RAB7A: variants seen among roughly 807,000 people sequenced by gnomAD.
RAB7A encodes RAB7A, member RAS oncogene family.
RAB7A carries 2 observed loss-of-function variants against 24.5 expected under a neutral mutation model. That is an observed-to-expected ratio of 0.08 (90% CI 0.03 to 0.26). The LOEUF (loss-of-function observed/expected upper bound fraction) is 0.26. Among genes scored for constraint, RAB7A ranks in the 10% least tolerant of loss-of-function variants. The pLI, the probability that RAB7A is intolerant of heterozygous loss-of-function variation, is 1.00. For synonymous variants in RAB7A, 100 were observed against 95.9 expected (o/e 1.04, Z -0.25); for missense variants, 118 against 255.7 (o/e 0.46, Z 3.67).
chr3:128,771,392 C>T (rs1373466268), intron 1 of RAB7A, among the ~76,000 whole-genome samples: 1 of 152,184 alleles, frequency 6.6e-6, no homozygotes, highest in Non-Finnish European at 1.5e-5. Context: ...TTCTATAGCA[C>T]TGTGAGCTGG....
chr3:128,781,474 G>C (rs1258210318), intron 1 of RAB7A, among the ~76,000 whole-genome samples: 1 of 151,686 alleles, frequency 6.6e-6, no homozygotes, highest in Non-Finnish European at 1.5e-5. Flanking sequence ...TTTGAGACCA[G>C]CCTGGGCAAT....
intron 1 of RAB7A, among the ~76,000 whole-genome samples, chr3:128,746,559 C>T (rs776909343): frequency 2.7e-5 from 4 of 150,918 alleles, no homozygotes; most frequent in Admixed American, 6.6e-5. Context: ...GATGGAGTCT[C>T]GCTCTGTCTC....
chr3:128,782,005 T>TC (rs1299261781), intron 1 of RAB7A, among the ~76,000 whole-genome samples: 1 of 152,138 alleles, frequency 6.6e-6, no homozygotes, highest in East Asian at 1.9e-4. Flanking sequence ...AGAGCGAGAC[T>TC]CCATCTCAAA....
chr3:128,761,876 A>G (rs1024536959), intron 1 of RAB7A, among the ~76,000 whole-genome samples: 4 of 152,248 alleles, frequency 2.6e-5, no homozygotes, highest in Non-Finnish European at 5.9e-5. Flanking sequence ...ATTTATATTT[A>G]TGCCTGCCAA....
chr3:128,747,424 TA>T (rs1335143746), intron 1 of RAB7A, among the ~76,000 whole-genome samples: 1 of 151,414 alleles, frequency 6.6e-6, no homozygotes, highest in African/African-American at 2.4e-5. Context: ...CCATCTCTAC[TA>T]AAAATACAAA....
intron 1 of RAB7A, among the ~76,000 whole-genome samples, chr3:128,738,847 A>G (rs932296943): frequency 2.6e-5 from 4 of 152,252 alleles, no homozygotes; most frequent in Admixed American, 6.5e-5. Context: ...AAATGCCTGT[A>G]AATTCTTCAC....
intron 1 of RAB7A, among the ~76,000 whole-genome samples, chr3:128,755,431 A>G (rs2070721301): frequency 1.3e-5 from 2 of 152,224 alleles, no homozygotes; most frequent in South Asian, 4.1e-4. Context: ...TCACCAATCT[A>G]ACTTTTTACA....
intron 1 of RAB7A, among the ~76,000 whole-genome samples, chr3:128,733,657 G>T (rs73196983): frequency 0.053 from 8,121 of 152,128 alleles, 227 homozygotes; most frequent in Non-Finnish European, 0.058. Context: ...CTCTGTATTG[G>T]CTGTGTCCTA....
intron 1 of RAB7A, among the ~76,000 whole-genome samples, chr3:128,782,439 G>C (rs1193713105): frequency 6.6e-6 from 1 of 152,090 alleles, no homozygotes; most frequent in Non-Finnish European, 1.5e-5. Context: ...CTCACAAGCA[G>C]CGTGTGAGGT....
intron 1 of RAB7A, among the ~76,000 whole-genome samples, chr3:128,740,947 G>T (rs1267835836): frequency 7.1e-6 from 1 of 140,610 alleles, no homozygotes; most frequent in Non-Finnish European, 1.6e-5. Context: ...TTGTTTGATA[G>T]ATTAAACTAG....
At chr3:128,744,168 A>C (rs1173209149) in intron 1 of RAB7A, among the ~76,000 whole-genome samples, 1 of 152,084 alleles carries the variant, frequency 6.6e-6, no homozygotes, top group East Asian at 1.9e-4. Flanking sequence ...TGGGAGGATC[A>C]CTTGAGCCCT....
chr3:128,809,598 G>A (rs1933875438), intron 5 of RAB7A, among the ~76,000 whole-genome samples: 1 of 152,188 alleles, frequency 6.6e-6, no homozygotes, highest in Admixed American at 6.5e-5. Flanking sequence ...TAGGGAAAAA[G>A]TAATTTTTTA....
In RAB7A at chr3:128,792,169, T is replaced by G. The variant is rs1933468891; in HGVS notation, c.-8-3191T>G. Among the ~76,000 whole-genome samples the G allele has an allele frequency of 2.0e-5, 3 of 152,312 alleles. No individual in the cohort carries two copies. In the South Asian group the frequency reaches 6.2e-4, roughly 32 times the overall value. On this transcript the variant is annotated intron_variant, in intron 1 of 5. Coordinates refer to ENST00000265062, the MANE Select transcript of RAB7A (RefSeq NM_004637.6). ...CACGGTCACTGCTTTGTGACACGTG[T>G]GGGTAGAGACTCAAAGGGAAGGAAA...
intron 1 of RAB7A, among the ~76,000 whole-genome samples, chr3:128,789,621 C>A (rs1933412304): frequency 6.6e-6 from 1 of 152,086 alleles, no homozygotes; most frequent in South Asian, 2.1e-4. Context: ...GCATGAGTCA[C>A]CCATGCCTGG....
chr3:128,782,837 T>C (rs948543322), intron 1 of RAB7A, among the ~76,000 whole-genome samples: 17 of 152,278 alleles, frequency 1.1e-4, no homozygotes, highest in South Asian at 2.1e-4. Context: ...GTAACACTTA[T>C]TGTTGTTGCT....
chr3:128,764,433 C>T (rs963297206), intron 1 of RAB7A: 9 of 744,558 alleles, frequency 1.2e-5, no homozygotes, highest in Non-Finnish European at 2.0e-5. Flanking sequence ...CCAGGGAATT[C>T]GCCCCATGGC....
chr3:128,797,256 C>T (rs1933596543), intron 2 of RAB7A, among the ~76,000 whole-genome samples: 1 of 152,080 alleles, frequency 6.6e-6, no homozygotes, highest in African/African-American at 2.4e-5. Flanking sequence ...TGAACATGTT[C>T]CTTTGTGGCC....
At chr3:128,783,226 C>T (rs935785728) in intron 1 of RAB7A, among the ~76,000 whole-genome samples, 7 of 136,130 alleles carry the variant, frequency 5.1e-5, no homozygotes, top group Non-Finnish European at 1.1e-4. Context: ...CCCCCACAAA[C>T]ACACACCTCC....
rs751449841 is a variant in RAB7A at position 128,813,457 on chromosome 3, A to C, written c.*35A>C. On this transcript the variant is annotated 3_prime_UTR_variant, in exon 6 of 6. Coordinates refer to ENST00000265062, the MANE Select transcript of RAB7A (RefSeq NM_004637.6). ...GAGAGTTGAGCACAGAGTCCTTCAC[A>C]AACCAAGAACACACGTAGGCCTTCA... 4 of 1,585,768 alleles carry C rather than the reference A, an allele frequency of 2.5e-6. No individual in the cohort carries two copies. The highest frequency in any genetic ancestry group is 3.5e-6 in the Non-Finnish European group (4 of 1,154,852).
Sources: allele counts gnomAD v4.1 joint callset (sites outside exome capture counted in the v4.1 genomes callset), GRCh38; gene constraint gnomAD v4.1.1; transcripts MANE v1.5; gene names NCBI Gene and HGNC (gene_info 2026-07-23, HGNC 2026-07-21).